The following RXFP2 variants were observed in gnomAD, a reference collection of about 807,000 sequenced individuals.
The protein encoded by RXFP2 is relaxin family peptide receptor 2, also known as relaxin receptor 2.
A neutral mutation model predicts 88.6 loss-of-function variants in RXFP2; 68 were observed. The observed-to-expected ratio is 0.77, with a 90% CI of 0.63 to 0.94. The LOEUF (loss-of-function observed/expected upper bound fraction) is 0.94, where lower values mean the gene tolerates loss of function less well. Ranked by LOEUF, RXFP2 falls within the 40% of genes least tolerant of loss-of-function variation. RXFP2 has a pLI of 0.00. For missense variants in RXFP2, 791 were observed against 893.9 expected (o/e 0.88, Z 1.47); for synonymous variants, 329 against 306.8 (o/e 1.07, Z -0.76).
intron 15 of RXFP2, 121 bp downstream of exon 15, chr13:31,792,156 A>T: frequency 1.3e-6 from 1 of 763,894 alleles, no homozygotes; most frequent in Non-Finnish European, 2.1e-6. Context: ...CATCCTGGGC[A>T]CATTTTTTTT....
At chr13:31,749,416 C>T (rs370884516) in intron 1 of RXFP2, among the ~76,000 whole-genome samples, 3 of 152,184 alleles carry the variant, frequency 2.0e-5, no homozygotes, top group Admixed American at 1.3e-4. Flanking sequence ...CCTGGCTCTT[C>T]GTGTTCTTTT....
intron 9 of RXFP2, among the ~76,000 whole-genome samples, chr13:31,778,924 T>C (rs1873127395): frequency 3.3e-5 from 5 of 152,150 alleles, no homozygotes; most frequent in Admixed American, 3.3e-4. Context: ...CTTATTCTTT[T>C]GGATAACTTA....
chr13:31,782,607 C>T (rs1378017994), intron 10 of RXFP2, 69 bp from the exon 11 acceptor site: 41 of 1,135,838 alleles, frequency 3.6e-5, no homozygotes. Context: ...GATCAGTGGC[C>T]TCTCCCAATG....
chr13:31,794,398 A>G (rs1250191092), intron 16 of RXFP2, among the ~76,000 whole-genome samples: 1 of 150,416 alleles, frequency 6.6e-6, no homozygotes, highest in East Asian at 2.0e-4. Context: ...ACACACACAC[A>G]CACACACACA....
chr13:31,748,252 TA>T (rs1871509768), intron 1 of RXFP2, among the ~76,000 whole-genome samples: 1 of 152,342 alleles, frequency 6.6e-6, no homozygotes, highest in East Asian at 1.9e-4. Flanking sequence ...TACCTAGAAG[TA>T]AATCTACTGA....
chr13:31,776,354 C>T (rs1872981878), intron 7 of RXFP2, among the ~76,000 whole-genome samples: 1 of 145,760 alleles, frequency 6.9e-6, no homozygotes, highest in Non-Finnish European at 1.5e-5. Context: ...CTCTGGGACT[C>T]AAGCAATCCT....
chr13:31,739,558 G>C lies in RXFP2; in HGVS notation c.-55G>C. 1 of 1,147,396 alleles carries C rather than the reference G, an allele frequency of 8.7e-7. No homozygotes were observed. The highest frequency in any genetic ancestry group is 1.3e-6 in the Non-Finnish European group (1 of 755,194). 71.1% of individuals were successfully genotyped at this position (1,147,396 alleles called of 1,614,324 possible). A position where few individuals can be genotyped will look rare whatever the true frequency, so the allele number is the denominator to read the frequency against. On this transcript the variant is annotated 5_prime_UTR_variant, in exon 1 of 18. Transcript: ENST00000298386. ...GGGAGGCACTGAACTTACTACATCA[G>C]AACTCCTGCTGAGGTATAAGAGGAT...
intron 1 of RXFP2, among the ~76,000 whole-genome samples, chr13:31,752,693 G>T (rs1871723669): frequency 6.6e-6 from 1 of 152,066 alleles, no homozygotes; most frequent in South Asian, 2.1e-4. Flanking sequence ...TAGTAAAATT[G>T]ACTCTTCGCA....
intron 9 of RXFP2, among the ~76,000 whole-genome samples, chr13:31,780,078 C>T (rs542116282): frequency 6.6e-6 from 1 of 152,264 alleles, no homozygotes; most frequent in South Asian, 2.1e-4. Context: ...CTCTCCCTCC[C>T]CAAAAGGGGC....
intron 3 of RXFP2, among the ~76,000 whole-genome samples, chr13:31,764,702 A>C (rs1872469891): frequency 7.5e-6 from 1 of 133,792 alleles, no homozygotes; most frequent in African/African-American, 2.5e-5. Context: ...ATATCCATTA[A>C]GAATTACTCA....
intron 7 of RXFP2, among the ~76,000 whole-genome samples, chr13:31,777,067 TG>T (rs1356322119): frequency 2.6e-5 from 4 of 152,160 alleles, no homozygotes; most frequent in African/African-American, 9.7e-5. Context: ...ATTCAATACG[TG>T]GAGTTTGTGC....
chr13:31,776,610 T>C lies in RXFP2; in HGVS notation c.642-766T>C, dbSNP rs542618484. On this transcript the variant is annotated intron_variant, in intron 7 of 17. Coordinates refer to ENST00000298386, the MANE Select transcript of RXFP2 (RefSeq NM_130806.5). The stretch of plus-strand genomic sequence containing the variant: ...CCTCTTTATTTTCATCTGTAAATTA[T>C]AATTCCTTTCCAAGAAGGATGTTAT... 6.6e-5 allele frequency among the ~76,000 whole-genome samples: 10 copies of C among 152,232 alleles called. No individual in the cohort carries two copies. In the South Asian group the frequency reaches 2.1e-3, roughly 32 times the overall value.
chr13:31,765,237 A>G lies in RXFP2; in HGVS notation c.425+95A>G, dbSNP rs1872497583. The G allele has an allele frequency of 1.7e-5, 13 of 768,584 alleles. No individual in the cohort carries two copies. The South Asian group carries it at 1.9e-4, about 11-fold the overall frequency. 47.6% of individuals were successfully genotyped at this position (768,584 alleles called of 1,614,324 possible). On this transcript the variant is annotated intron_variant, in intron 4 of 17. Coordinates refer to ENST00000298386, the MANE Select transcript of RXFP2 (RefSeq NM_130806.5). ...GTGTTGCTTGTGCATTAGCAAAATAATAGAAACCCTGTTTAAAACTACCAG... is the reference window on the plus strand; with the variant it reads ...GTGTTGCTTGTGCATTAGCAAAATAGTAGAAACCCTGTTTAAAACTACCAG...
chr13:31,763,872 CT>C (rs1249940940), intron 3 of RXFP2, among the ~76,000 whole-genome samples: 1 of 152,052 alleles, frequency 6.6e-6, no homozygotes, highest in Admixed American at 6.6e-5. Context: ...TGAAAGTTAT[CT>C]TTAGGAAGTT....
intron 4 of RXFP2, among the ~76,000 whole-genome samples, chr13:31,765,368 G>A (rs1395543768): frequency 2.0e-5 from 3 of 152,010 alleles, no homozygotes; most frequent in Non-Finnish European, 4.4e-5. Context: ...CTGTGGGCCT[G>A]GAGTTCTTAT....
chr13:31,761,904 G>A (rs551201424), intron 3 of RXFP2, 103 bp downstream of exon 3: 210 of 707,332 alleles, frequency 3.0e-4, no homozygotes, highest in Non-Finnish European at 4.4e-4. Context: ...CAGAATTTCC[G>A]TTTTAGTTCA....
intron 17 of RXFP2, among the ~76,000 whole-genome samples, chr13:31,799,337 G>A (rs185544427): frequency 4.3e-4 from 66 of 152,068 alleles, no homozygotes; most frequent in African/African-American, 1.3e-3. Flanking sequence ...TCAGCCTCCC[G>A]AGTAGCTGGG....
rs1230515823 is a variant in RXFP2, at chr13:31,802,498, A to G, written c.*93A>G. The G allele has an allele frequency of 2.2e-6, 3 of 1,354,300 alleles. No individual in the cohort carries two copies. The highest frequency in any genetic ancestry group is 3.1e-6 in the Non-Finnish European group (3 of 955,332). 83.9% of individuals were successfully genotyped at this position (1,354,300 alleles called of 1,614,324 possible). On this transcript the variant is annotated 3_prime_UTR_variant, in exon 18 of 18. Coordinates refer to ENST00000298386, the MANE Select transcript of RXFP2 (RefSeq NM_130806.5). ...ATCTGCAATGCTTTTCATCTTTACC[A>G]ACGGCAAGCCTTTCTGCACAGAGAG...
At chr13:31,752,254 G>A (rs1871703234) in intron 1 of RXFP2, among the ~76,000 whole-genome samples, 1 of 152,162 alleles carries the variant, frequency 6.6e-6, no homozygotes, top group South Asian at 2.1e-4. Context: ...GTCATCTGAA[G>A]AAGGAGGGGG....
Sources: gnomAD v4.1 joint callset for allele counts (sites outside exome capture counted in the v4.1 genomes callset) on GRCh38, gnomAD v4.1.1 for gene constraint, MANE v1.5 for transcripts, NCBI Gene and HGNC (gene_info 2026-07-23, HGNC 2026-07-21) for gene names.